ANK3: variants seen among roughly 807,000 people sequenced by gnomAD.
ANK3 encodes the protein ankyrin-3.
In ANK3, 57 loss-of-function variants were observed where a neutral mutation model predicts 370.9. That is an observed-to-expected ratio of 0.15 (90% CI 0.12 to 0.19). ANK3 has a LOEUF of 0.19. Ranked by LOEUF, ANK3 falls within the 10% of genes least tolerant of loss-of-function variation. The pLI, the probability that ANK3 is intolerant of heterozygous loss-of-function variation, is 1.00. For synonymous variants in ANK3, 1,929 were observed against 1,946.3 expected, an observed-to-expected ratio of 0.99 and a Z score of 0.23; for missense variants, 4,439 against 5,302.1, an observed-to-expected ratio of 0.84 and a Z score of 5.06.
At chr10:60,133,223 C>T (rs989701149) in intron 25 of ANK3, among the ~76,000 whole-genome samples, 3 of 152,164 alleles carry the variant, frequency 2.0e-5, no homozygotes, top group Non-Finnish European at 4.4e-5. Context: ...CATGATTTCA[C>T]CAATTATTTA....
intron 1 of ANK3, among the ~76,000 whole-genome samples, chr10:60,690,622 C>G (rs1301094383): frequency 6.6e-6 from 1 of 152,002 alleles, no homozygotes; most frequent in Non-Finnish European, 1.5e-5. Flanking sequence ...CTAGCTGGTG[C>G]TTCAGCATTT....
At chr10:60,296,130 T>C (rs1171509969) in intron 1 of ANK3, among the ~76,000 whole-genome samples, 1 of 152,212 alleles carries the variant, frequency 6.6e-6, no homozygotes, top group Non-Finnish European at 1.5e-5. Flanking sequence ...TCAGGATCAC[T>C]CTAATCAGTA....
intron 40 of ANK3, chr10:60,060,532 A>T (rs1450318878): frequency 1.3e-5 from 2 of 152,232 alleles, no homozygotes; most frequent in Non-Finnish European, 2.9e-5. Flanking sequence ...CTTCTTTCAC[A>T]TGAAATTATA....
At chr10:60,287,889 T>G (rs1593098124) in intron 1 of ANK3, among the ~76,000 whole-genome samples, 2 of 152,290 alleles carry the variant, frequency 1.3e-5, no homozygotes, top group East Asian at 1.9e-4. Context: ...AGGTCTACTC[T>G]TATCTGTTTA....
intron 23 of ANK3, among the ~76,000 whole-genome samples, chr10:60,144,026 C>T (rs1394529402): frequency 6.6e-6 from 1 of 152,174 alleles, no homozygotes; most frequent in African/African-American, 2.4e-5. Context: ...TCGCTGCCAT[C>T]CTAGCTGAGG....
At chr10:60,174,075 G>A (rs2095862005) in intron 18 of ANK3, among the ~76,000 whole-genome samples, 1 of 152,166 alleles carries the variant, frequency 6.6e-6, no homozygotes, top group Non-Finnish European at 1.5e-5. Context: ...AAACAGGAAT[G>A]GGGGTGGGTG....
At chr10:60,449,573 G>C (rs1311982856) in intron 2 of ANK3, among the ~76,000 whole-genome samples, 1 of 152,202 alleles carries the variant, frequency 6.6e-6, no homozygotes, top group East Asian at 1.9e-4. Flanking sequence ...TACAGGCTCA[G>C]ACTCCTGGGG....
chr10:60,501,269 A>G (rs1359723737), intron 2 of ANK3, among the ~76,000 whole-genome samples: 2 of 152,224 alleles, frequency 1.3e-5, no homozygotes, highest in East Asian at 3.9e-4. Context: ...CTGAACACTC[A>G]TTCTGATTTG....
In ANK3 at chr10:60,413,903, G is replaced by C. The variant is rs545621241; in HGVS notation, c.97-134264C>G. Among the ~76,000 whole-genome samples, 115 of 152,188 alleles carry C rather than the reference G, an allele frequency of 7.6e-4. No individual in the cohort carries two copies. In the South Asian group the frequency reaches 0.011, roughly 15 times the overall value. Reference sequence around the variant, plus strand: ...TCCCAGCAACTCAGGAGGCTAAAGTGAGAGGATCACTTGAGCCTAGGAGGT... The same window carrying C: ...TCCCAGCAACTCAGGAGGCTAAAGTCAGAGGATCACTTGAGCCTAGGAGGT... On this transcript the variant is annotated intron_variant, in intron 2 of 43. Transcript: ENST00000373827.
intron 8 of ANK3, 26 bp from the exon 9 acceptor site, chr10:60,213,536 A>G (rs2096888396): frequency 4.7e-6 from 7 of 1,493,236 alleles, no homozygotes; most frequent in African/African-American, 2.8e-5. Flanking sequence ...AACATCACCA[A>G]TTAAATTTGA....
At chr10:60,154,595 AC>A (rs2095267563) in intron 23 of ANK3, among the ~76,000 whole-genome samples, 1 of 152,102 alleles carries the variant, frequency 6.6e-6, no homozygotes, top group African/African-American at 2.4e-5. Context: ...GAAGTTTGAG[AC>A]CAGCCTGGCC....
intron 1 of ANK3, among the ~76,000 whole-genome samples, chr10:60,298,680 C>T (rs896249008): frequency 7.2e-5 from 11 of 152,166 alleles, no homozygotes; most frequent in Non-Finnish European, 1.0e-4. Context: ...AGATCAAATG[C>T]TTTCACCATT....
intron 18 of ANK3, among the ~76,000 whole-genome samples, chr10:60,176,759 C>CA (rs1012568488): frequency 4.6e-5 from 7 of 151,076 alleles, no homozygotes; most frequent in African/African-American, 1.7e-4. Flanking sequence ...AACTTCGTCT[C>CA]AAAAAATAAA....
intron 1 of ANK3, among the ~76,000 whole-genome samples, chr10:60,624,227 T>A (rs924506235): frequency 6.6e-6 from 1 of 152,004 alleles, no homozygotes; most frequent in Non-Finnish European, 1.5e-5. Flanking sequence ...AAAATAAAAA[T>A]AAATAAATAA....
chr10:60,390,842 T>C (rs999427785), upstream of ANK3, among the ~76,000 whole-genome samples: 4 of 151,354 alleles, frequency 2.6e-5, no homozygotes, highest in African/African-American at 9.7e-5. Flanking sequence ...TTAGCATGTG[T>C]GCTTCCGATA....
chr10:60,585,557 T>A (rs2077819264), intron 2 of ANK3, among the ~76,000 whole-genome samples: 1 of 152,130 alleles, frequency 6.6e-6, no homozygotes, highest in East Asian at 1.9e-4. Context: ...CTTCTCCCTA[T>A]CACTTCAGGT....
chr10:60,677,948 C>T (rs558587264), intron 1 of ANK3, among the ~76,000 whole-genome samples: 3 of 152,204 alleles, frequency 2.0e-5, no homozygotes, highest in African/African-American at 7.2e-5. Flanking sequence ...TGCCCAAATC[C>T]GCTCAGACTG....
intron 16 of ANK3, among the ~76,000 whole-genome samples, chr10:60,189,656 C>T (rs1295391697): frequency 6.6e-6 from 1 of 152,124 alleles, no homozygotes; most frequent in Non-Finnish European, 1.5e-5. Flanking sequence ...AAAAATGATT[C>T]TCACTTGCCA....
intron 1 of ANK3, among the ~76,000 whole-genome samples, chr10:60,623,489 C>G (rs1341098140): frequency 6.6e-6 from 1 of 152,062 alleles, no homozygotes; most frequent in Non-Finnish European, 1.5e-5. Context: ...GATTAAGTAA[C>G]CTGGGACCAC....
Sources: gnomAD v4.1 joint callset for allele counts (sites outside exome capture counted in the v4.1 genomes callset) on GRCh38, gnomAD v4.1.1 for gene constraint, MANE v1.5 for transcripts, NCBI Gene and HGNC (gene_info 2026-07-23, HGNC 2026-07-21) for gene names.